Variants in TEAD4 observed in about 807,000 individuals in gnomAD.
TEAD4 encodes the protein transcriptional enhancer factor TEF-3.
In TEAD4, 36 loss-of-function variants were observed where a neutral mutation model predicts 52.4. That is an observed-to-expected ratio of 0.69 (90% CI 0.53 to 0.91). The LOEUF is 0.91. Among genes scored for constraint, TEAD4 ranks in the 40% least tolerant of loss-of-function variants. TEAD4 has a pLI of 0.00. For synonymous variants in TEAD4, 220 were observed against 231.0 expected, an observed-to-expected ratio of 0.95 and a Z score of 0.43; for missense variants, 508 against 583.9, an observed-to-expected ratio of 0.87 and a Z score of 1.34.
chr12:3,008,873 G>C (rs1219003860), intron 3 of TEAD4, among the ~76,000 whole-genome samples: 1 of 152,150 alleles, frequency 6.6e-6, no homozygotes, highest in African/African-American at 2.4e-5. Flanking sequence ...ATCCCAGATG[G>C]TCTGCCATCC....
intron 5 of TEAD4, among the ~76,000 whole-genome samples, chr12:3,014,875 G>A (rs894351671): frequency 3.3e-5 from 5 of 152,170 alleles, no homozygotes; most frequent in African/African-American, 4.8e-5. Context: ...ATGCAGCCCC[G>A]GCCTCGTGAT....
chr12:3,037,578 C>T (rs781364191), intron 10 of TEAD4, among the ~76,000 whole-genome samples: 11 of 152,274 alleles, frequency 7.2e-5, no homozygotes, highest in Admixed American at 4.6e-4. Flanking sequence ...TTCTGATAGA[C>T]GCATTCAAAC....
intron 2 of TEAD4, among the ~76,000 whole-genome samples, chr12:2,990,631 A>T (rs1678239477): frequency 6.6e-6 from 1 of 151,542 alleles, no homozygotes; most frequent in Non-Finnish European, 1.5e-5. Flanking sequence ...ATGCCAAGCT[A>T]ATTTGTGTAT....
chr12:2,977,467 TC>T (rs2098230721), intron 2 of TEAD4, among the ~76,000 whole-genome samples: 1 of 152,320 alleles, frequency 6.6e-6, no homozygotes, highest in African/African-American at 2.4e-5. Flanking sequence ...TGCTCCCCGT[TC>T]CCCATCCTGT....
chr12:2,995,136 T>C, intron 3 of TEAD4, 144 bp downstream of exon 3: 3 of 909,386 alleles, frequency 3.3e-6, no homozygotes, highest in Non-Finnish European at 4.6e-6. Context: ...CCTCCTGGGC[T>C]CCCAAGGGAT....
intron 2 of TEAD4, among the ~76,000 whole-genome samples, chr12:2,983,774 A>T (rs1238461911): frequency 6.6e-6 from 1 of 152,244 alleles, no homozygotes; most frequent in Non-Finnish European, 1.5e-5. Context: ...AGAAATCATT[A>T]TTCCACAATA....
At chr12:2,986,652 A>T (rs926171927) in intron 2 of TEAD4, among the ~76,000 whole-genome samples, 16 of 150,774 alleles carry the variant, frequency 1.1e-4, no homozygotes, top group East Asian at 3.9e-4. Flanking sequence ...AAAATAAAAA[A>T]AAATAAATAA....
At chr12:2,997,359 C>T (rs1226412229) in intron 3 of TEAD4, among the ~76,000 whole-genome samples, 3 of 152,128 alleles carry the variant, frequency 2.0e-5, no homozygotes, top group African/African-American at 7.2e-5. Flanking sequence ...CCTGGGGAAG[C>T]GTCATGGGGG....
At chr12:3,018,452 T>A (rs1025416722) in intron 6 of TEAD4, 93 bp from the exon 7 acceptor site, 1 of 1,467,754 alleles carries the variant, frequency 6.8e-7, no homozygotes, top group African/African-American at 1.4e-5. Flanking sequence ...CTCCTCCCAG[T>A]GGAGGCCCTG....
intron 10 of TEAD4, among the ~76,000 whole-genome samples, chr12:3,023,370 G>T (rs961665892): frequency 6.6e-6 from 1 of 152,132 alleles, no homozygotes; most frequent in Non-Finnish European, 1.5e-5. Context: ...TCATACTAAA[G>T]TTTGAGTTTT....
rs138509952 is a variant in TEAD4, at chr12:3,021,970, C to G, written c.850C>G (p.Leu284Val). The G allele has an allele frequency of 6.2e-7, 1 of 1,614,262 alleles. No individual in the cohort carries two copies. The highest frequency in any genetic ancestry group is 1.1e-5 in the South Asian group (1 of 91,088). Residue 284 changes from leucine (L) to valine (V), a missense_variant, in exon 10 of 13, where the codon CTC becomes GTC. Transcript: ENST00000359864. ...GGAGAAAAAGGGTGGACTCAAGGAT[C>G]TCTTCGAACGGGGACCCTCCAATGC...
intron 2 of TEAD4, among the ~76,000 whole-genome samples, chr12:2,982,583 G>A (rs1296442603): frequency 6.6e-6 from 1 of 152,196 alleles, no homozygotes; most frequent in Non-Finnish European, 1.5e-5. Context: ...CGGTGCGTGG[G>A]AGGTTTGCCT....
intron 8 of TEAD4, 109 bp downstream of exon 8, chr12:3,019,279 C>A: frequency 2.4e-6 from 3 of 1,246,166 alleles, no homozygotes; most frequent in East Asian, 2.4e-5. Context: ...GATGCTGCCC[C>A]GTCATGCACA....
intron 3 of TEAD4, among the ~76,000 whole-genome samples, chr12:2,999,922 C>T (rs1246295182): frequency 2.6e-5 from 4 of 152,200 alleles, no homozygotes; most frequent in Non-Finnish European, 5.9e-5. Flanking sequence ...GCCTCCTGTG[C>T]TTCTCACCTT....
chr12:3,000,013 A>T (rs1469969799), intron 3 of TEAD4, among the ~76,000 whole-genome samples: 4 of 151,998 alleles, frequency 2.6e-5, no homozygotes, highest in Admixed American at 2.6e-4. Flanking sequence ...CCTGTGTCCC[A>T]GGTGGGCCAT....
At chr12:3,018,159 A>T (rs1396346298) in intron 6 of TEAD4, among the ~76,000 whole-genome samples, 1 of 152,166 alleles carries the variant, frequency 6.6e-6, no homozygotes, top group Non-Finnish European at 1.5e-5. Flanking sequence ...CGTCCCAGAG[A>T]GCACTAGTCC....
intron 2 of TEAD4, among the ~76,000 whole-genome samples, chr12:2,992,201 T>C (rs943433780): frequency 6.6e-6 from 1 of 152,004 alleles, no homozygotes; most frequent in Non-Finnish European, 1.5e-5. Flanking sequence ...TTATTTTTAG[T>C]AGAGGCGGGG....
At chr12:3,032,334 C>T (rs1490086893) in intron 10 of TEAD4, among the ~76,000 whole-genome samples, 1 of 152,114 alleles carries the variant, frequency 6.6e-6, no homozygotes, top group Non-Finnish European at 1.5e-5. Context: ...CTGTACGGAC[C>T]CAGCGCGGCC....
chr12:2,967,162 A>G (rs1303820976), intron 2 of TEAD4, among the ~76,000 whole-genome samples: 1 of 152,134 alleles, frequency 6.6e-6, no homozygotes, highest in Non-Finnish European at 1.5e-5. Flanking sequence ...CATTGTAGGA[A>G]CCCTGGAAAA....
Sources: gnomAD v4.1 joint callset for allele counts (sites outside exome capture counted in the v4.1 genomes callset) on GRCh38, gnomAD v4.1.1 for gene constraint, MANE v1.5 for transcripts, NCBI Gene and HGNC (gene_info 2026-07-23, HGNC 2026-07-21) for gene names.